Variants in NINJ2 observed in about 807,000 individuals in gnomAD.
NINJ2 encodes ninjurin 2.
NINJ2 carries 12 observed loss-of-function variants against 11.7 expected under a neutral mutation model. The observed-to-expected ratio is 1.02, with a 90% CI of 0.66 to 1.66. NINJ2 has a LOEUF of 1.66. Ranked by LOEUF, NINJ2 falls within the 40% of genes most tolerant of loss-of-function variation. The pLI, the probability that NINJ2 is intolerant of heterozygous loss-of-function variation, is 0.00. For missense variants in NINJ2, 187 were observed against 181.8 expected, an observed-to-expected ratio of 1.03 and a Z score of -0.16; for synonymous variants, 93 against 76.8, an observed-to-expected ratio of 1.21 and a Z score of -1.10.
intron 1 of NINJ2, among the ~76,000 whole-genome samples, chr12:646,886 C>CA (rs1379340286): frequency 6.6e-6 from 1 of 152,098 alleles, no homozygotes; most frequent in Non-Finnish European, 1.5e-5. Context: ...ACAGGGAGTT[C>CA]ACCTCTGGAG....
At chr12:644,624 A>G (rs1402061148) in intron 1 of NINJ2, 3 of 152,262 alleles carry the variant, frequency 2.0e-5, no homozygotes, top group East Asian at 3.9e-4. Context: ...TCACCGTTAG[A>G]CGTTATAAGC....
intron 1 of NINJ2, among the ~76,000 whole-genome samples, chr12:586,904 G>A (rs1035579630): frequency 1.2e-4 from 18 of 152,146 alleles, no homozygotes; most frequent in African/African-American, 4.3e-4. Flanking sequence ...CATTCACTGG[G>A]CTCTGGTATT....
intron 1 of NINJ2, among the ~76,000 whole-genome samples, chr12:636,293 T>C (rs1313010042): frequency 6.6e-6 from 1 of 152,046 alleles, no homozygotes; most frequent in Admixed American, 6.6e-5. Context: ...GAAGAATCAC[T>C]TGAACCTGGG....
At chr12:617,971 T>C (rs1019048855) in intron 1 of NINJ2, among the ~76,000 whole-genome samples, 6 of 152,022 alleles carry the variant, frequency 3.9e-5, no homozygotes, top group Non-Finnish European at 8.8e-5. Flanking sequence ...GTTTTTAACA[T>C]TATTCAGTGA....
In NINJ2 at chr12:647,525, GCTC is replaced by G. The variant is rs144371747; in HGVS notation, c.33+15800_33+15802del. Among the ~76,000 whole-genome samples, 624 of 152,278 alleles carry G rather than the reference GCTC, an allele frequency of 4.1e-3. 29 individuals carry two copies. The East Asian group carries it at 0.1, about 24-fold the overall frequency. On this transcript the variant is annotated intron_variant, in intron 1 of 3. Transcript: ENST00000305108. ...TTGTCTTCTTAGAAAGTGACTGGCAGCTCCTCCTCCCTGGCACCTGCTCCAACC... is the reference window on the plus strand; with the variant it reads ...TTGTCTTCTTAGAAAGTGACTGGCAGCTCCTCCCTGGCACCTGCTCCAACC...
At position 581,877 on chromosome 12, in the gene NINJ2, C is replaced by T. The variant is rs1947560850; in HGVS notation, c.34-15699G>A. Among the ~76,000 whole-genome samples the T allele has an allele frequency of 1.3e-5, 2 of 152,224 alleles. No homozygotes were observed. The highest frequency in any genetic ancestry group is 2.9e-5 in the Non-Finnish European group (2 of 68,040). On this transcript the variant is annotated intron_variant, in intron 1 of 3. Coordinates refer to ENST00000305108, the MANE Select transcript of NINJ2 (RefSeq NM_016533.6). The surrounding 1 kb of genome is among the most constrained non-coding windows in gnomAD (Gnocchi z 4.9). ...AATGTAAGTCCCAGGCGATGTCTAACTCAGCCCCAAGGTGTCCTGAGAACC... is the reference window on the plus strand; with the variant it reads ...AATGTAAGTCCCAGGCGATGTCTAATTCAGCCCCAAGGTGTCCTGAGAACC...
intron 1 of NINJ2, chr12:610,483 C>A: frequency 6.5e-7 from 1 of 1,530,410 alleles, no homozygotes; most frequent in Non-Finnish European, 8.7e-7. Context: ...GGTCAGCGAG[C>A]ACAGCCTTCT....
rs188417039 is a variant in NINJ2 at position 609,394 on chromosome 12, C to T, written c.34-43216G>A. Among the ~76,000 whole-genome samples the T allele has an allele frequency of 8.2e-4, 125 of 152,232 alleles. 1 individual carries two copies. Among genetic ancestry groups the T allele is most frequent in the African/African-American group, 2.9e-3 (121 of 41,522 alleles). ...ATGAGTAAAATGCAGAGCGGGCCTT[C>T]GCAAGGCTCACAGCCCAATTCTCTT... is the stretch of plus-strand genomic sequence containing the variant. On this transcript the variant is annotated intron_variant, in intron 1 of 3. Coordinates refer to ENST00000305108, the MANE Select transcript of NINJ2 (RefSeq NM_016533.6).
At chr12:609,133 C>T (rs1473988170) in intron 1 of NINJ2, among the ~76,000 whole-genome samples, 1 of 96,216 alleles carries the variant, frequency 1.0e-5, no homozygotes, top group Non-Finnish European at 2.1e-5. Flanking sequence ...TGAACGCGCA[C>T]GCACGGCGCC....
chr12:588,442 T>C (rs1338989092), intron 1 of NINJ2, among the ~76,000 whole-genome samples: 6 of 152,246 alleles, frequency 3.9e-5, no homozygotes, highest in Non-Finnish European at 5.9e-5. Context: ...TATACACTTA[T>C]AGCGCTCATT....
intron 1 of NINJ2, among the ~76,000 whole-genome samples, chr12:597,647 A>C (rs1189512173): frequency 2.6e-5 from 4 of 152,270 alleles, no homozygotes; most frequent in African/African-American, 7.2e-5. Context: ...GTCTTGAGGC[A>C]AAGTAGGGCC....
chr12:614,374 G>A lies in NINJ2; in HGVS notation c.34-48196C>T, dbSNP rs900927226. ...TGGTCTTGGGAGAACATAAGTCTGGGTCGTTGGGTGGTGGCAGAACAAAAT... is the reference window on the plus strand; with the variant it reads ...TGGTCTTGGGAGAACATAAGTCTGGATCGTTGGGTGGTGGCAGAACAAAAT... On this transcript the variant is annotated intron_variant, in intron 1 of 3. Coordinates refer to ENST00000305108, the MANE Select transcript of NINJ2 (RefSeq NM_016533.6). The surrounding 1 kb of genome is among the most constrained non-coding windows in gnomAD (Gnocchi z 5.1). Among the ~76,000 whole-genome samples the A allele has an allele frequency of 6.6e-6, 1 of 152,160 alleles. No homozygotes were observed. The highest frequency in any genetic ancestry group is 2.4e-5 in the African/African-American group (1 of 41,438).
intron 1 of NINJ2, among the ~76,000 whole-genome samples, chr12:588,276 C>T (rs963687306): frequency 6.0e-5 from 9 of 150,846 alleles, no homozygotes; most frequent in Non-Finnish European, 1.2e-4. Flanking sequence ...ATGGACTCCC[C>T]GCAGACTCCT....
At chr12:656,705 C>T (rs1025707751) in intron 1 of NINJ2, among the ~76,000 whole-genome samples, 17 of 150,646 alleles carry the variant, frequency 1.1e-4, no homozygotes, top group African/African-American at 3.7e-4. Flanking sequence ...GCCGAGATTG[C>T]GCCACTGCAC....
At chr12:651,780 G>C (rs189999865) in intron 1 of NINJ2, among the ~76,000 whole-genome samples, 39 of 152,344 alleles carry the variant, frequency 2.6e-4, no homozygotes, top group Admixed American at 4.6e-4. Context: ...AGAAACGCCA[G>C]AGGTCAAAAC....
intron 1 of NINJ2, 29 bp from the exon 2 acceptor site, chr12:566,207 A>C: frequency 6.3e-7 from 1 of 1,582,202 alleles, no homozygotes; most frequent in East Asian, 2.2e-5. Context: ...AGACTTACCA[A>C]GGGGAGCTCT....
chr12:629,331 G>T (rs1948242733), intron 1 of NINJ2, among the ~76,000 whole-genome samples: 1 of 152,200 alleles, frequency 6.6e-6, no homozygotes, highest in Admixed American at 6.5e-5. Flanking sequence ...AGGACTAGGA[G>T]CCTGGGATTT....
intron 1 of NINJ2, among the ~76,000 whole-genome samples, chr12:652,673 C>T (rs907829562): frequency 6.6e-5 from 10 of 151,870 alleles, no homozygotes; most frequent in African/African-American, 2.2e-4. Flanking sequence ...TTCAGCCAGG[C>T]GTGGTGACTC....
intron 1 of NINJ2, among the ~76,000 whole-genome samples, chr12:587,096 T>C (rs930102909): frequency 7.9e-5 from 12 of 152,216 alleles, no homozygotes; most frequent in Admixed American, 7.9e-4. Flanking sequence ...TTCTTGCTAC[T>C]AAACACCTGT....
Sources: allele counts gnomAD v4.1 joint callset (sites outside exome capture counted in the v4.1 genomes callset), GRCh38; gene constraint gnomAD v4.1.1; non-coding constraint Gnocchi (gnomAD v3.1); transcripts MANE v1.5; gene names NCBI Gene and HGNC (gene_info 2026-07-23, HGNC 2026-07-21).